The following RASGRP3 variants were observed in gnomAD, a reference collection of about 807,000 sequenced individuals.
The protein encoded by RASGRP3 is RAS guanyl releasing protein 3.
Under a neutral mutation model 82.7 loss-of-function variants are expected in RASGRP3, and 54 were observed. The observed-to-expected ratio is 0.65, with a 90% CI of 0.52 to 0.82. RASGRP3 has a LOEUF of 0.82. Among genes scored for constraint, RASGRP3 ranks in the 40% least tolerant of loss-of-function variants. The pLI, the probability that RASGRP3 is intolerant of heterozygous loss-of-function variation, is 0.00. For synonymous variants in RASGRP3, 309 were observed against 300.5 expected, an observed-to-expected ratio of 1.03 and a Z score of -0.29; for missense variants, 861 against 828.9, an observed-to-expected ratio of 1.04 and a Z score of -0.48.
intron 1 of RASGRP3, among the ~76,000 whole-genome samples, chr2:33,486,409 C>G (rs1668385107): frequency 6.6e-6 from 1 of 152,150 alleles, no homozygotes; most frequent in Non-Finnish European, 1.5e-5. Context: ...CTCAAGTGAT[C>G]TGCCCACCTC....
upstream of RASGRP3, among the ~76,000 whole-genome samples, chr2:33,475,540 A>T (rs1391214211): frequency 6.6e-6 from 1 of 152,148 alleles, no homozygotes; most frequent in African/African-American, 2.4e-5. Context: ...TCTTTTCTGG[A>T]TGTTCACTTT....
intron 1 of RASGRP3, among the ~76,000 whole-genome samples, chr2:33,507,470 G>A (rs1670496281): frequency 6.6e-6 from 1 of 152,156 alleles, no homozygotes; most frequent in African/African-American, 2.4e-5. Flanking sequence ...TCATAGGAAA[G>A]GTGGCTCTGG....
chr2:33,473,344 C>G (rs369851167), upstream of RASGRP3, among the ~76,000 whole-genome samples: 11 of 151,988 alleles, frequency 7.2e-5, no homozygotes, highest in East Asian at 2.1e-3. Flanking sequence ...GATCGCGCCA[C>G]CACACTCCAG....
chr2:33,529,378 C>A (rs1275641987), intron 10 of RASGRP3, among the ~76,000 whole-genome samples: 3 of 150,034 alleles, frequency 2.0e-5, no homozygotes, highest in Non-Finnish European at 4.4e-5. Flanking sequence ...GCCTGTAGTC[C>A]CAGCTATTTG....
At chr2:33,554,888 C>A (rs1380278186) in intron 14 of RASGRP3, among the ~76,000 whole-genome samples, 2 of 152,328 alleles carry the variant, frequency 1.3e-5, no homozygotes, top group Non-Finnish European at 2.9e-5. Flanking sequence ...CAGGCCCTCA[C>A]ATCTCCCCTC....
At chr2:33,541,140 C>G (rs892874942) in intron 12 of RASGRP3, among the ~76,000 whole-genome samples, 2 of 146,740 alleles carry the variant, frequency 1.4e-5, no homozygotes, top group African/African-American at 2.4e-5. Context: ...TTTTGAAAAC[C>G]TAATTTTGCA....
chr2:33,452,710 C>A (rs561460532), intron 2 of RASGRP3, among the ~76,000 whole-genome samples: 2 of 152,216 alleles, frequency 1.3e-5, no homozygotes, highest in Admixed American at 1.3e-4. Context: ...TTGCCTAAAG[C>A]CTGTGTCTGC....
intron 2 of RASGRP3, among the ~76,000 whole-genome samples, chr2:33,450,818 CTTTCTTTTTTTTTTTTT>C (rs1436064800): frequency 3.9e-4 from 17 of 43,412 alleles, no homozygotes; most frequent in South Asian, 1.6e-3. Flanking sequence ...CTCTTTCTTT[CTTTCTTTTTTTTTTTTT>C]TTTTTTTTTT....
chr2:33,486,143 TTTTC>T (rs1278169221), intron 1 of RASGRP3, among the ~76,000 whole-genome samples: 1 of 144,986 alleles, frequency 6.9e-6, no homozygotes, highest in African/African-American at 2.6e-5. Flanking sequence ...TTTTCTTTTC[TTTTC>T]TTTCTTTCTT....
chr2:33,438,333 C>T (rs866395804), intron 1 of RASGRP3, among the ~76,000 whole-genome samples: 8 of 152,162 alleles, frequency 5.3e-5, no homozygotes, highest in African/African-American at 1.7e-4. Context: ...GAGACCGAGG[C>T]GGGTGGATCA....
At chr2:33,520,308 TGAAG>T (rs1192571836) in intron 5 of RASGRP3, among the ~76,000 whole-genome samples, 4 of 152,158 alleles carry the variant, frequency 2.6e-5, no homozygotes, top group African/African-American at 7.2e-5. Flanking sequence ...CACCATGAAT[TGAAG>T]GAAGGGTTTC....
At chr2:33,442,122 A>T (rs1171667645) in intron 1 of RASGRP3, among the ~76,000 whole-genome samples, 1 of 152,196 alleles carries the variant, frequency 6.6e-6, no homozygotes, top group Non-Finnish European at 1.5e-5. Flanking sequence ...AAAAAGAAGT[A>T]AGAGCTAAAA....
At chr2:33,555,011 G>A (rs1675786814) in intron 14 of RASGRP3, 1 of 152,406 alleles carries the variant, frequency 6.6e-6, no homozygotes, top group Admixed American at 6.5e-5. Context: ...CAAACATAGA[G>A]CAAATGTGGA....
At chr2:33,467,011 G>A (rs935589583) in intron 2 of RASGRP3, among the ~76,000 whole-genome samples, 4 of 151,876 alleles carry the variant, frequency 2.6e-5, no homozygotes, top group Admixed American at 2.6e-4. Context: ...ATTACCATGA[G>A]GATTAAATGA....
chr2:33,521,264 AC>A (rs2151022581), intron 6 of RASGRP3, among the ~76,000 whole-genome samples: 1 of 152,272 alleles, frequency 6.6e-6, no homozygotes, highest in Non-Finnish European at 1.5e-5. Context: ...TTATTAGGTA[AC>A]CGGTGCAATT....
At chr2:33,519,355 A>G (rs530895589) in intron 4 of RASGRP3, among the ~76,000 whole-genome samples, 194 of 152,244 alleles carry the variant, frequency 1.3e-3, no homozygotes, top group South Asian at 8.5e-3. Context: ...GGTGGCTCAC[A>G]CCTGTAATCC....
intron 12 of RASGRP3, chr2:33,539,425 A>C: frequency 2.2e-6 from 1 of 450,330 alleles, no homozygotes. Flanking sequence ...TTGCCCAGAT[A>C]CTCTCAGCTA....
chr2:33,543,488 T>C (rs1438072595), intron 12 of RASGRP3, 24 bp from the exon 13 acceptor site: 1 of 1,458,636 alleles, frequency 6.9e-7, no homozygotes. Context: ...AGTCATTCAA[T>C]AAATACTTAT....
chr2:33,494,382 TAAAC>T (rs1669124612), intron 1 of RASGRP3, among the ~76,000 whole-genome samples: 1 of 152,112 alleles, frequency 6.6e-6, no homozygotes, highest in Non-Finnish European at 1.5e-5. Context: ...TTTAGAGTAA[TAAAC>T]AACAACAAAA....
Sources: gnomAD v4.1 joint callset for allele counts (sites outside exome capture counted in the v4.1 genomes callset) on GRCh38, gnomAD v4.1.1 for gene constraint, MANE v1.5 for transcripts, NCBI Gene and HGNC (gene_info 2026-07-23, HGNC 2026-07-21) for gene names.